HHIP: variants seen among roughly 807,000 people sequenced by gnomAD.
The protein encoded by HHIP is hedgehog-interacting protein.
Under a neutral mutation model 74.0 loss-of-function variants are expected in HHIP, and 12 were observed. That is an observed-to-expected ratio of 0.16 (90% CI 0.10 to 0.26). The LOEUF is 0.26. Among genes scored for constraint, HHIP ranks in the 10% least tolerant of loss-of-function variants. HHIP has a pLI of 1.00. For synonymous variants in HHIP, 309 were observed against 311.6 expected (o/e 0.99, Z 0.09); for missense variants, 788 against 845.0 (o/e 0.93, Z 0.84).
chr4:144,691,598 T>C (rs987260963), intron 4 of HHIP, among the ~76,000 whole-genome samples: 8 of 152,200 alleles, frequency 5.3e-5, no homozygotes, highest in African/African-American at 1.9e-4. Flanking sequence ...ATATAGTACA[T>C]ATAAATACAA....
At chr4:144,658,067 C>T (rs952764475) in intron 2 of HHIP, among the ~76,000 whole-genome samples, 4 of 152,048 alleles carry the variant, frequency 2.6e-5, no homozygotes, top group Non-Finnish European at 5.9e-5. Flanking sequence ...GGCCTGTCTC[C>T]TTCTTGATTC....
rs1728247833 is a variant in HHIP at position 144,646,220 on chromosome 4, G to C, written c.-456G>C. ...AGACCTCAGCATCATCTAGAGCCCA[G>C]CGCTGGCCCTGCCTCCGCCTGCCCC... On this transcript the variant is annotated 5_prime_UTR_variant, in exon 1 of 13. Transcript: ENST00000296575. 1 of 164,298 alleles carries C rather than the reference G, an allele frequency of 6.1e-6. No individual in the cohort carries two copies. The highest frequency in any genetic ancestry group is 1.3e-5 in the Non-Finnish European group (1 of 76,258). The allele number at this position is 164,298 out of a possible 1,614,324, so 10.2% of individuals were successfully genotyped here. A position where few individuals can be genotyped will look rare whatever the true frequency, so the allele number is the denominator to read the frequency against.
intron 4 of HHIP, among the ~76,000 whole-genome samples, chr4:144,687,454 A>G (rs1396348415): frequency 6.6e-6 from 1 of 152,184 alleles, no homozygotes; most frequent in East Asian, 1.9e-4. Context: ...ACAGAGCTTA[A>G]TGATGCATCC....
intron 4 of HHIP, chr4:144,660,160 T>C (rs1416552206): frequency 1.1e-5 from 4 of 379,792 alleles, no homozygotes; most frequent in African/African-American, 2.1e-5. Flanking sequence ...GGACTGTACA[T>C]CAGCATTTGC....
chr4:144,681,675 G>C (rs7665268), intron 4 of HHIP, among the ~76,000 whole-genome samples: 2 of 151,878 alleles, frequency 1.3e-5, no homozygotes, highest in Admixed American at 1.3e-4. Context: ...TTCCCGCCTC[G>C]GCCTCCCAAC....
At chr4:144,700,585 G>A (rs60874838) in intron 4 of HHIP, among the ~76,000 whole-genome samples, 6,556 of 152,232 alleles carry the variant, frequency 0.043, 459 homozygotes, top group African/African-American at 0.15. Context: ...GGAAGACAAA[G>A]GAGGTCAGAG....
chr4:144,668,660 G>A (rs1728945174), intron 4 of HHIP, among the ~76,000 whole-genome samples: 1 of 152,036 alleles, frequency 6.6e-6, no homozygotes, highest in Non-Finnish European at 1.5e-5. Context: ...GCTGAGGTAG[G>A]AGAATCGCTT....
chr4:144,655,880 T>G (rs1241168831), intron 2 of HHIP, among the ~76,000 whole-genome samples: 4 of 152,130 alleles, frequency 2.6e-5, no homozygotes, highest in Non-Finnish European at 5.9e-5. Flanking sequence ...TACGTCAGTA[T>G]TTATAGGGTG....
chr4:144,725,771 C>T (rs1457266077), intron 11 of HHIP, among the ~76,000 whole-genome samples: 3 of 151,980 alleles, frequency 2.0e-5, no homozygotes, highest in Non-Finnish European at 1.5e-5. Context: ...CGGGTTCAAG[C>T]GATTCTCCTG....
Position 144,744,253 on chromosome 4 carries a change from C to G in HHIP, c.*6296C>G, listed in dbSNP as rs1731329506. ...AAAAAAATTGTTGAATCACAATGAA[C>G]AAACATAAAACAATACTTAAATGAG... On this transcript the variant is annotated 3_prime_UTR_variant, in exon 13 of 13. Coordinates refer to ENST00000296575, the MANE Select transcript of HHIP (RefSeq NM_022475.3). The G allele has an allele frequency of 6.6e-6, 1 of 152,102 alleles. No individual in the cohort carries two copies. The highest frequency in any genetic ancestry group is 2.1e-4 in the South Asian group (1 of 4,834). The allele number at this position is 152,102 out of a possible 1,614,324, so 9.4% of individuals were successfully genotyped here.
chr4:144,663,813 TG>T, intron 4 of HHIP, among the ~76,000 whole-genome samples: 1 of 152,320 alleles, frequency 6.6e-6, no homozygotes, highest in East Asian at 1.9e-4. Context: ...TTAAAATATG[TG>T]GATTGTGATT....
chr4:144,695,336 A>T (rs1428198518), intron 4 of HHIP, among the ~76,000 whole-genome samples: 1 of 151,838 alleles, frequency 6.6e-6, no homozygotes, highest in Non-Finnish European at 1.5e-5. Flanking sequence ...ACACTCCTTG[A>T]ATAATCTTAT....
Position 144,652,783 on chromosome 4 carries a change from G to A in HHIP, c.458G>A (p.Arg153Gln), listed in dbSNP as rs199683721. Reference sequence around the variant, plus strand: ...TGCAAAGAATTCTTTTACACTTGCCGAGGCCATATTCCAGGTAAGAAAAAA... The same window carrying A: ...TGCAAAGAATTCTTTTACACTTGCCAAGGCCATATTCCAGGTAAGAAAAAA... ...DYCKEFFYTC[R>Q]GHIPGFLQTT... Residue 153 changes from arginine to glutamine, a missense_variant, in exon 2 of 13, where the codon CGA becomes CAA. Arg to Gln is a conservative substitution (Grantham distance 43, BLOSUM62 1). This residue lies in a region of HHIP where 373 missense variants were observed against 366.4 expected (regional missense o/e 1.02). Coordinates refer to ENST00000296575, the MANE Select transcript of HHIP (RefSeq NM_022475.3). 8.8e-6 allele frequency: 14 copies of A among 1,589,972 alleles called. No homozygotes were observed. The highest frequency in any genetic ancestry group is 5.8e-5 in the South Asian group (5 of 86,032).
intron 5 of HHIP, 65 bp downstream of exon 5, chr4:144,706,747 G>GT (rs60590058): frequency 8.9e-6 from 13 of 1,467,892 alleles, no homozygotes; most frequent in East Asian, 2.3e-5. Flanking sequence ...CTTTTCATAA[G>GT]TTTTTTTATT....
chr4:144,675,103 A>C (rs1349535935), intron 4 of HHIP, among the ~76,000 whole-genome samples: 1 of 152,242 alleles, frequency 6.6e-6, no homozygotes, highest in Non-Finnish European at 1.5e-5. Flanking sequence ...CCTAATAAGC[A>C]TTTATTTCTA....
chr4:144,647,706 G>A (rs1171308387), intron 1 of HHIP, among the ~76,000 whole-genome samples: 1 of 152,004 alleles, frequency 6.6e-6, no homozygotes, highest in Non-Finnish European at 1.5e-5. Flanking sequence ...ATACTAACAT[G>A]GTGTTTGTTG....
intron 1 of HHIP, among the ~76,000 whole-genome samples, chr4:144,647,988 TAA>T (rs76968227): frequency 2.0e-4 from 29 of 147,836 alleles, no homozygotes; most frequent in Non-Finnish European, 1.6e-4. Context: ...CCAGGCATAA[TAA>T]AAAAAAAAAA....
Position 144,659,745 on chromosome 4 carries a change from A to T in HHIP, c.738A>T (p.Glu246Asp), listed in dbSNP as rs750556728. 2 of 1,612,028 alleles carry T rather than the reference A, an allele frequency of 1.2e-6. No individual in the cohort carries two copies. Among genetic ancestry groups the T allele is most frequent in the East Asian group, 4.5e-5 (2 of 44,840 alleles). The change falls in exon 4 of 13, where the codon GAA becomes GAT. Residue 246 changes from glutamate to aspartate, a missense_variant. Glu to Asp is a conservative substitution (Grantham distance 45). Around this residue, in one of 3 missense-constraint regions of HHIP, gnomAD observed 373 missense variants for 366.4 expected, o/e 1.02. Coordinates refer to ENST00000296575, the MANE Select transcript of HHIP (RefSeq NM_022475.3). ...GCTCGCAACGTCTCTTCATTCTGGA[A>T]AAAGAAGGTTATGTGAAGATACTTA... Reference protein sequence around the residue: ...GDGSQRLFILEKEGYVKILTP... With the variant: ...GDGSQRLFILDKEGYVKILTP...
chr4:144,694,299 T>A (rs1403430431), intron 4 of HHIP, among the ~76,000 whole-genome samples: 1 of 151,836 alleles, frequency 6.6e-6, no homozygotes, highest in Non-Finnish European at 1.5e-5. Context: ...TTTCCTTAAA[T>A]TTATTAGTGT....
Sources: gnomAD v4.1 joint callset for allele counts (sites outside exome capture counted in the v4.1 genomes callset) on GRCh38, gnomAD v4.1.1 for gene constraint, gnomAD v4.1.1 regional missense constraint, MANE v1.5 for transcripts, NCBI Gene and HGNC (gene_info 2026-07-23, HGNC 2026-07-21) for gene names.